The following DAPK1 variants were observed in gnomAD, a reference collection of about 807,000 sequenced individuals.
The protein encoded by DAPK1 is death-associated protein kinase 1.
DAPK1 carries 56 observed loss-of-function variants against 144.9 expected under a neutral mutation model. The ratio of observed to expected loss-of-function variants is 0.39; its 90% CI spans 0.31 to 0.48. The LOEUF is 0.48. Among genes scored for constraint, DAPK1 ranks in the 20% least tolerant of loss-of-function variants. The pLI, the probability that DAPK1 is intolerant of heterozygous loss-of-function variation, is 0.95. For missense variants in DAPK1, 1,454 were observed against 1,875.4 expected (o/e 0.78, Z 4.15); for synonymous variants, 690 against 749.0 (o/e 0.92, Z 1.29).
chr9:87,683,795 C>T (rs1042274236), intron 20 of DAPK1, among the ~76,000 whole-genome samples: 5 of 152,160 alleles, frequency 3.3e-5, no homozygotes, highest in Non-Finnish European at 7.4e-5. Flanking sequence ...GGTCCTGGCG[C>T]GGGGGCAGAA....
In DAPK1 at chr9:87,558,810, G is replaced by A. The variant is rs1157400803; in HGVS notation, c.63-46144G>A. On this transcript the variant is annotated intron_variant, in intron 2 of 25. Transcript: ENST00000408954. ...TGCATCTACCCATTTGGGCTCCCAC[G>A]TGCAGAAAGCATGATTCCCATGCTC... is the stretch of plus-strand genomic sequence containing the variant. Among the ~76,000 whole-genome samples, 7 of 152,290 alleles carry A rather than the reference G, an allele frequency of 4.6e-5. No individual in the cohort carries two copies. In the East Asian group the frequency reaches 1.4e-3, roughly 30 times the overall value.
At chr9:87,521,602 T>C (rs1041041186) in intron 2 of DAPK1, among the ~76,000 whole-genome samples, 5 of 152,346 alleles carry the variant, frequency 3.3e-5, no homozygotes, top group Admixed American at 6.5e-5. Flanking sequence ...ATGTCAGCAC[T>C]GGGGCACTGT....
chr9:87,628,802 A>G (rs1357027709), intron 3 of DAPK1, among the ~76,000 whole-genome samples: 2 of 152,232 alleles, frequency 1.3e-5, no homozygotes, highest in African/African-American at 4.8e-5. Context: ...TATATTTCTC[A>G]TCCACATTTT....
intron 3 of DAPK1, among the ~76,000 whole-genome samples, chr9:87,625,973 T>C (rs747665011): frequency 6.6e-6 from 1 of 152,056 alleles, no homozygotes; most frequent in Admixed American, 6.6e-5. Context: ...AGTAAGAAAA[T>C]GGGCAAAGGA....
intron 15 of DAPK1, 23 bp downstream of exon 15, chr9:87,648,902 C>T: frequency 6.3e-7 from 1 of 1,587,938 alleles, no homozygotes; most frequent in Non-Finnish European, 8.6e-7. Context: ...TGACATCCTC[C>T]CTTCCTCTGC....
chr9:87,646,082 A>C, intron 12 of DAPK1, 68 bp downstream of exon 12: 2 of 1,556,622 alleles, frequency 1.3e-6, no homozygotes, highest in Non-Finnish European at 1.7e-6. Flanking sequence ...ATATCCAAGG[A>C]AAGACCCCAT....
chr9:87,662,943 AGCTGAGTCAAG>A (rs1028700026), intron 18 of DAPK1, among the ~76,000 whole-genome samples: 2 of 151,986 alleles, frequency 1.3e-5, no homozygotes, highest in Non-Finnish European at 2.9e-5. Flanking sequence ...CCAGGTTTCA[AGCTGAGTCAAG>A]GCCTAGGGAG....
chr9:87,675,363 C>T (rs150470656), intron 19 of DAPK1, among the ~76,000 whole-genome samples: 6,330 of 151,768 alleles, frequency 0.042, 470 homozygotes, highest in African/African-American at 0.14. Flanking sequence ...GGAAGCAGCC[C>T]GAGGAAGGGC....
intron 2 of DAPK1, among the ~76,000 whole-genome samples, chr9:87,500,296 G>T (rs865966944): frequency 2.0e-5 from 3 of 152,178 alleles, no homozygotes; most frequent in Non-Finnish European, 4.4e-5. Context: ...TGCTTAGGAA[G>T]AGCTCTCTGT....
intron 19 of DAPK1, among the ~76,000 whole-genome samples, chr9:87,675,314 G>T (rs1175748131): frequency 6.6e-6 from 1 of 152,022 alleles, no homozygotes; most frequent in Non-Finnish European, 1.5e-5. Context: ...GGACCTCTCT[G>T]ATGTGACACT....
At chr9:87,521,157 T>G (rs560682223) in intron 2 of DAPK1, among the ~76,000 whole-genome samples, 12 of 152,264 alleles carry the variant, frequency 7.9e-5, no homozygotes, top group Non-Finnish European at 1.6e-4. Context: ...TAGCTATGTT[T>G]TAAGCTTTTG....
At chr9:87,571,512 CA>C (rs1383947280) in intron 2 of DAPK1, among the ~76,000 whole-genome samples, 5 of 147,238 alleles carry the variant, frequency 3.4e-5, no homozygotes, top group African/African-American at 1.3e-4. Flanking sequence ...CACACACACA[CA>C]CACACACACA....
Position 87,639,829 on chromosome 9 carries a change from T to G in DAPK1, c.629+14T>G. On this transcript the variant is annotated intron_variant, in intron 7 of 25. Transcript: ENST00000408954. ...AACCTATATCCTGTAAGTATCAGAA[T>G]TCACAACTCATACTCTCTTCTCTTC... 6.2e-7 allele frequency: 1 copy of G among 1,613,078 alleles called. No individual in the cohort carries two copies. Among genetic ancestry groups the G allele is most frequent in the African/African-American group, 1.3e-5 (1 of 75,024 alleles).
chr9:87,681,840 A>C, intron 20 of DAPK1: 1 of 588,326 alleles, frequency 1.7e-6, no homozygotes, highest in Non-Finnish European at 3.0e-6. Context: ...GTAGCAAAAC[A>C]AGGGCCTCAC....
At chr9:87,497,522 T>A (rs369051255), upstream of DAPK1, among the ~76,000 whole-genome samples, 10 of 152,358 alleles carry the variant, frequency 6.6e-5, no homozygotes, top group Middle Eastern at 3.4e-3. Context: ...GGGATCCCAG[T>A]ACACATCTCG....
intron 2 of DAPK1, among the ~76,000 whole-genome samples, chr9:87,516,315 T>A (rs1344228626): frequency 6.6e-6 from 1 of 152,120 alleles, no homozygotes; most frequent in Non-Finnish European, 1.5e-5. Context: ...ATAGCTGTGG[T>A]CTAGGCCATA....
chr9:87,580,685 C>A (rs142076269), intron 2 of DAPK1, among the ~76,000 whole-genome samples: 113 of 152,300 alleles, frequency 7.4e-4, no homozygotes, highest in African/African-American at 2.4e-3. Context: ...CCAGCTCCTA[C>A]TCTGTATGAC....
intron 3 of DAPK1, among the ~76,000 whole-genome samples, chr9:87,609,347 C>T (rs937006196): frequency 3.3e-5 from 5 of 152,170 alleles, no homozygotes; most frequent in Non-Finnish European, 7.3e-5. Flanking sequence ...TGCATATGCA[C>T]GGTATGATGC....
intron 2 of DAPK1, among the ~76,000 whole-genome samples, chr9:87,559,305 C>CTAGGG (rs1479198158): frequency 6.6e-6 from 1 of 150,724 alleles, no homozygotes; most frequent in African/African-American, 2.5e-5. Flanking sequence ...CTAGGGTAGG[C>CTAGGG]TAGGCTAGGG....
Sources: allele counts gnomAD v4.1 joint callset (sites outside exome capture counted in the v4.1 genomes callset), GRCh38; gene constraint gnomAD v4.1.1; transcripts MANE v1.5; gene names NCBI Gene and HGNC (gene_info 2026-07-23, HGNC 2026-07-21).